ARB2A: variants seen among roughly 807,000 people sequenced by gnomAD.
ARB2A encodes the protein cotranscriptional regulator ARB2A.
At chr5:93,825,532 A>C in the ARB2A span, among the ~76,000 whole-genome samples, 1 of 152,198 alleles carries the variant, frequency 6.6e-6, no homozygotes, top group African/African-American at 2.4e-5. Context: ...TTTTAGCAGA[A>C]TTCATGTTGC....
chr5:94,028,995 A>T, the ARB2A span, among the ~76,000 whole-genome samples: 1 of 151,268 alleles, frequency 6.6e-6, no homozygotes, highest in Non-Finnish European at 1.5e-5. Context: ...TGGCGGGGGG[A>T]GGGAGTGTTT....
chr5:93,674,069 T>C, the ARB2A span, among the ~76,000 whole-genome samples: 6 of 152,184 alleles, frequency 3.9e-5, no homozygotes, highest in South Asian at 1.0e-3. Flanking sequence ...TTAAGCAACA[T>C]AGTTATAATC....
chr5:94,069,378 C>T, the ARB2A span, among the ~76,000 whole-genome samples: 2 of 152,098 alleles, frequency 1.3e-5, no homozygotes, highest in Middle Eastern at 3.4e-3. Context: ...CTGGTCTAGG[C>T]AAAGATTTTT....
At chr5:94,081,190 T>C in the ARB2A span, among the ~76,000 whole-genome samples, 1 of 152,130 alleles carries the variant, frequency 6.6e-6, no homozygotes, top group African/African-American at 2.4e-5. Context: ...AAATCAAGGT[T>C]TGTGACAATG....
chr5:94,068,440 T>C, the ARB2A span, among the ~76,000 whole-genome samples: 1 of 152,132 alleles, frequency 6.6e-6, no homozygotes, highest in Non-Finnish European at 1.5e-5. Context: ...GCTCGAGCAG[T>C]AACAAACATG....
the ARB2A span, among the ~76,000 whole-genome samples, chr5:93,625,231 C>T: frequency 1.3e-5 from 2 of 152,222 alleles, no homozygotes; most frequent in East Asian, 3.9e-4. Context: ...ATTCCTTCTA[C>T]ATGTTAACTA....
the ARB2A span, among the ~76,000 whole-genome samples, chr5:93,710,602 A>G: frequency 1.3e-5 from 2 of 152,230 alleles, no homozygotes; most frequent in Non-Finnish European, 2.9e-5. Context: ...TAGTATTTAA[A>G]GGGTAACTAG....
the ARB2A span, among the ~76,000 whole-genome samples, chr5:94,065,672 G>A: frequency 6.6e-6 from 1 of 152,072 alleles, no homozygotes; most frequent in Non-Finnish European, 1.5e-5. Context: ...TTCAGCAATA[G>A]AATATAACAA....
chr5:94,060,081 C>T, the ARB2A span, among the ~76,000 whole-genome samples: 1 of 152,022 alleles, frequency 6.6e-6, no homozygotes, highest in Admixed American at 6.6e-5. Flanking sequence ...AGAAAGGGGC[C>T]AGGCGCAGTG....
chr5:93,657,909 TA>T, the ARB2A span, among the ~76,000 whole-genome samples: 1 of 152,294 alleles, frequency 6.6e-6, no homozygotes, highest in Admixed American at 6.5e-5. Context: ...ATCTTTCAGC[TA>T]AAAACAACAG....
At chr5:94,024,917 G>A in the ARB2A span, among the ~76,000 whole-genome samples, 1 of 152,160 alleles carries the variant, frequency 6.6e-6, no homozygotes, top group Non-Finnish European at 1.5e-5. Context: ...AAAAGGGACT[G>A]GGACAAGAGG....
At chr5:94,080,473 A>G in the ARB2A span, among the ~76,000 whole-genome samples, 1 of 152,194 alleles carries the variant, frequency 6.6e-6, no homozygotes, top group Non-Finnish European at 1.5e-5. Flanking sequence ...GAGGTTCAAC[A>G]TAGATTTTAA....
the ARB2A span, among the ~76,000 whole-genome samples, chr5:93,785,472 G>A: frequency 6.6e-6 from 1 of 151,906 alleles, no homozygotes; most frequent in South Asian, 2.1e-4. Context: ...AAATATAATA[G>A]TGCACTTCAA....
the ARB2A span, among the ~76,000 whole-genome samples, chr5:93,690,995 C>T: frequency 3.9e-5 from 6 of 152,028 alleles, no homozygotes; most frequent in East Asian, 3.9e-4. Flanking sequence ...AAAAAAAGAA[C>T]GACCACACAA....
chr5:93,762,230 G>A, the ARB2A span, among the ~76,000 whole-genome samples: 3 of 152,172 alleles, frequency 2.0e-5, no homozygotes, highest in African/African-American at 7.2e-5. Context: ...AGAGAAGAAG[G>A]CTTCAGACGA....
chr5:93,915,238 T>C, the ARB2A span, among the ~76,000 whole-genome samples: 2 of 151,904 alleles, frequency 1.3e-5, no homozygotes, highest in African/African-American at 4.8e-5. Flanking sequence ...ACCAAGCAAT[T>C]GGGCTCTTCA....
At chr5:93,819,141 G>A in the ARB2A span, among the ~76,000 whole-genome samples, 2 of 137,422 alleles carry the variant, frequency 1.5e-5, no homozygotes, top group East Asian at 2.1e-4. Flanking sequence ...AGTCGAGATC[G>A]CGCCACTGCA....
chr5:93,711,717 G>A, the ARB2A span, among the ~76,000 whole-genome samples: 1 of 152,236 alleles, frequency 6.6e-6, no homozygotes, highest in Non-Finnish European at 1.5e-5. Context: ...AATCTGTGGC[G>A]AGCAGCTCGG....
the ARB2A span, among the ~76,000 whole-genome samples, chr5:94,083,515 T>C: frequency 1.3e-5 from 2 of 152,120 alleles, no homozygotes; most frequent in African/African-American, 4.8e-5. Flanking sequence ...AAAGGAAACG[T>C]CTGTAAGCTG....
Sources: gnomAD v4.1 joint callset for allele counts (sites outside exome capture counted in the v4.1 genomes callset) on GRCh38, gnomAD v4.1.1 for gene constraint, MANE v1.5 for transcripts, NCBI Gene and HGNC (gene_info 2026-07-23, HGNC 2026-07-21) for gene names.